Variants in CNTNAP5 observed in about 807,000 individuals in gnomAD.
CNTNAP5 encodes contactin-associated protein-like 5.
In CNTNAP5, 72 loss-of-function variants were observed where a neutral mutation model predicts 150.2. The observed-to-expected ratio is 0.48, with a 90% confidence interval of 0.40 to 0.58. The LOEUF is 0.58. Ranked by LOEUF, CNTNAP5 falls within the 20% of genes least tolerant of loss-of-function variation. The pLI is 0.00. For missense variants in CNTNAP5, 1,636 were observed against 1,626.2 expected (o/e 1.01, Z -0.10); for synonymous variants, 672 against 619.8 (o/e 1.08, Z -1.25).
At chr2:124,690,281 C>T (rs1259357110) in intron 13 of CNTNAP5, among the ~76,000 whole-genome samples, 1 of 152,022 alleles carries the variant, frequency 6.6e-6, no homozygotes, top group African/African-American at 2.4e-5. Flanking sequence ...AGTGGTCTTA[C>T]TACAAGTCAA....
At chr2:124,202,978 C>T (rs1279128662) in intron 1 of CNTNAP5, among the ~76,000 whole-genome samples, 3 of 152,114 alleles carry the variant, frequency 2.0e-5, no homozygotes, top group Non-Finnish European at 2.9e-5. Context: ...TCCCAACAGT[C>T]GCCCAAAGTC....
intron 3 of CNTNAP5, among the ~76,000 whole-genome samples, chr2:124,392,182 AT>A (rs750323984): frequency 2.6e-5 from 4 of 152,178 alleles, no homozygotes; most frequent in Admixed American, 6.5e-5. Context: ...ACCAATTAGC[AT>A]TTACTATACA....
intron 10 of CNTNAP5, among the ~76,000 whole-genome samples, chr2:124,562,363 T>A (rs1695912187): frequency 6.6e-6 from 1 of 152,236 alleles, no homozygotes; most frequent in African/African-American, 2.4e-5. Context: ...ATCATGTTTG[T>A]CCACATCATT....
chr2:124,232,931 T>C (rs570501443), intron 2 of CNTNAP5, among the ~76,000 whole-genome samples: 34 of 152,240 alleles, frequency 2.2e-4, no homozygotes, highest in Non-Finnish European at 4.1e-4. Flanking sequence ...ACATAAAGAT[T>C]GAAAGGTGTT....
rs1414283093 is a variant in CNTNAP5, at chr2:124,504,392, A to G, written c.1163A>G (p.Asp388Gly). ...CTGCTGCCCGGCACCCCCCAAATTG[A>G]TGGGCTCTCAGTGAGTTTCCAGTTT... Reference protein sequence around the residue: ...YLLLPGTPQIDGLSVSFQFRT... With the variant: ...YLLLPGTPQIGGLSVSFQFRT... Residue 388 changes from aspartate (D) to glycine (G), a missense_variant, in exon 8 of 24, where the codon GAT becomes GGT. Coordinates refer to ENST00000682447, the MANE Select transcript of CNTNAP5 (RefSeq NM_001367498.1). 6.2e-7 allele frequency: 1 copy of G among 1,613,846 alleles called. No homozygotes were observed. The highest frequency in any genetic ancestry group is 8.5e-7 in the Non-Finnish European group (1 of 1,179,860).
chr2:124,855,478 G>A (rs1461936924), intron 19 of CNTNAP5, among the ~76,000 whole-genome samples: 2 of 151,884 alleles, frequency 1.3e-5, no homozygotes, highest in East Asian at 1.9e-4. Context: ...CAGCCACCTC[G>A]GAGTTTTTTA....
At chr2:124,414,951 C>G (rs1691879944) in intron 3 of CNTNAP5, among the ~76,000 whole-genome samples, 1 of 152,138 alleles carries the variant, frequency 6.6e-6, no homozygotes, top group Non-Finnish European at 1.5e-5. Context: ...AAAAACATGA[C>G]ACACTTTTAC....
intron 1 of CNTNAP5, among the ~76,000 whole-genome samples, chr2:124,204,582 G>A (rs1005769120): frequency 6.6e-6 from 1 of 152,194 alleles, no homozygotes; most frequent in Non-Finnish European, 1.5e-5. Flanking sequence ...TAAAGAAAAA[G>A]AGGTTTAATG....
intron 21 of CNTNAP5, among the ~76,000 whole-genome samples, chr2:124,870,743 T>C (rs1677728982): frequency 6.6e-6 from 1 of 152,276 alleles, no homozygotes; most frequent in South Asian, 2.1e-4. Context: ...TGGGTTCTTT[T>C]TGGGGTCTTT....
At chr2:124,199,412 TC>T (rs775523158) in intron 1 of CNTNAP5, among the ~76,000 whole-genome samples, 10 of 101,986 alleles carry the variant, frequency 9.8e-5, no homozygotes, top group Admixed American at 3.9e-4. Context: ...ATTCCAAGGT[TC>T]TTTTTTTTTT....
chr2:124,307,624 T>C (rs951158077), intron 3 of CNTNAP5, among the ~76,000 whole-genome samples: 1 of 152,220 alleles, frequency 6.6e-6, no homozygotes, highest in Non-Finnish European at 1.5e-5. Flanking sequence ...TCTGATATAA[T>C]GTGACCCCAG....
At chr2:124,813,123 C>T (rs546316725) in intron 19 of CNTNAP5, among the ~76,000 whole-genome samples, 2 of 152,042 alleles carry the variant, frequency 1.3e-5, no homozygotes, top group South Asian at 4.2e-4. Flanking sequence ...GTCGCCCAGG[C>T]TGGAGTGCAG....
Position 124,718,535 on chromosome 2 carries a change from C to A in CNTNAP5, c.2078-28694C>A, listed in dbSNP as rs80232660. On this transcript the variant is annotated intron_variant, in intron 13 of 23. Transcript: ENST00000682447. ...AACTGCCCATTTATTGGAAAACAAT[C>A]AAATAAACCCACTATTGCCTTTAAA... is the stretch of plus-strand genomic sequence containing the variant. Among the ~76,000 whole-genome samples, 12 of 152,228 alleles carry A rather than the reference C, an allele frequency of 7.9e-5. No homozygotes were observed. In the South Asian group the frequency reaches 2.5e-3, roughly 32 times the overall value.
At chr2:124,217,318 A>C (rs75047629) in intron 1 of CNTNAP5, among the ~76,000 whole-genome samples, 1 of 152,160 alleles carries the variant, frequency 6.6e-6, no homozygotes, top group Non-Finnish European at 1.5e-5. Flanking sequence ...GAATATTCAC[A>C]TACACTTTTG....
rs998383833 is a variant in CNTNAP5 at position 124,605,713 on chromosome 2, G to A, written c.1757-4088G>A. Among the ~76,000 whole-genome samples, 26 of 151,250 alleles carry A rather than the reference G, an allele frequency of 1.7e-4. No homozygotes were observed. In the South Asian group the frequency reaches 5.0e-3, roughly 29 times the overall value. On this transcript the variant is annotated intron_variant, in intron 11 of 23. Transcript: ENST00000682447. Reference sequence around the variant, plus strand: ...TGCCTGTAGTCCCAGCTACTCGGGAGGCTGAGGCAGGAGAATTGCTTGGAC... The same window carrying A: ...TGCCTGTAGTCCCAGCTACTCGGGAAGCTGAGGCAGGAGAATTGCTTGGAC...
chr2:124,034,008 G>C (rs1422760992), intron 1 of CNTNAP5, among the ~76,000 whole-genome samples: 1 of 152,176 alleles, frequency 6.6e-6, no homozygotes, highest in African/African-American at 2.4e-5. Flanking sequence ...GAACAGGGAT[G>C]TTCTAGGTGT....
At chr2:124,672,669 C>G (rs1379447028) in intron 13 of CNTNAP5, among the ~76,000 whole-genome samples, 1 of 152,084 alleles carries the variant, frequency 6.6e-6, no homozygotes, top group Non-Finnish European at 1.5e-5. Flanking sequence ...AAAGGAGAAA[C>G]TTGAAATCAA....
chr2:124,684,332 A>G (rs1236507767), intron 13 of CNTNAP5, among the ~76,000 whole-genome samples: 1 of 152,216 alleles, frequency 6.6e-6, no homozygotes, highest in African/African-American at 2.4e-5. Flanking sequence ...TACTCAGTGT[A>G]TGTTAAAAAC....
intron 1 of CNTNAP5, among the ~76,000 whole-genome samples, chr2:124,073,786 A>T (rs898938567): frequency 6.6e-6 from 1 of 152,066 alleles, no homozygotes; most frequent in African/African-American, 2.4e-5. Context: ...GAAGGTTCTT[A>T]AAAAAACTAA....
Sources: allele counts gnomAD v4.1 joint callset (sites outside exome capture counted in the v4.1 genomes callset), GRCh38; gene constraint gnomAD v4.1.1; transcripts MANE v1.5; gene names NCBI Gene and HGNC (gene_info 2026-07-23, HGNC 2026-07-21).